Variants in SLC22A23 observed in about 807,000 individuals in gnomAD.
SLC22A23 encodes the protein solute carrier family 22 member 23.
A neutral mutation model predicts 61.0 loss-of-function variants in SLC22A23; 26 were observed. That is an observed-to-expected ratio of 0.43 (90% CI 0.31 to 0.59). The LOEUF is 0.59. Among genes scored for constraint, SLC22A23 ranks in the 20% least tolerant of loss-of-function variants. The pLI is 0.11. For missense variants in SLC22A23, 796 were observed against 934.7 expected (o/e 0.85, Z 1.94); for synonymous variants, 430 against 413.9 (o/e 1.04, Z -0.47).
intron 1 of SLC22A23, among the ~76,000 whole-genome samples, chr6:3,443,917 G>A (rs1247921022): frequency 1.3e-5 from 2 of 152,188 alleles, no homozygotes; most frequent in South Asian, 2.1e-4. Context: ...AGAAGATATA[G>A]CTTCTGAGTG....
chr6:3,420,727 G>C (rs1031157282), intron 1 of SLC22A23, among the ~76,000 whole-genome samples: 2 of 152,120 alleles, frequency 1.3e-5, no homozygotes, highest in African/African-American at 4.8e-5. Context: ...CACCAATACT[G>C]CAACCAGAAA....
intron 3 of SLC22A23, among the ~76,000 whole-genome samples, chr6:3,384,513 G>A (rs1468156584): frequency 1.3e-5 from 2 of 152,020 alleles, no homozygotes; most frequent in Non-Finnish European, 2.9e-5. Context: ...AATAAATCAC[G>A]GAACAGAGCT....
At position 3,329,963 on chromosome 6, in the gene SLC22A23, C is replaced by A. The variant is rs565798408; in HGVS notation, c.914-5961G>T. ...CAATTCCTGGAACAGGCCTGCGGAA[C>A]GAGAAATCCTTCCAGAGGCCACTGC... is the stretch of plus-strand genomic sequence containing the variant. On this transcript the variant is annotated intron_variant, in intron 3 of 9. Transcript: ENST00000406686. This position sits in a 1 kb window ranked among gnomAD's most constrained non-coding sequence, Gnocchi z 4.8. Among the ~76,000 whole-genome samples the A allele has an allele frequency of 6.6e-6, 1 of 152,232 alleles. No homozygotes were observed. The highest frequency in any genetic ancestry group is 1.5e-5 in the Non-Finnish European group (1 of 68,042).
chr6:3,444,461 G>A (rs780205427), intron 1 of SLC22A23, among the ~76,000 whole-genome samples: 1 of 152,126 alleles, frequency 6.6e-6, no homozygotes, highest in South Asian at 2.1e-4. Flanking sequence ...CCAACAACTC[G>A]TCTCTCAAAT....
intron 1 of SLC22A23, among the ~76,000 whole-genome samples, chr6:3,437,253 A>C (rs78457551): frequency 6.8e-6 from 1 of 147,356 alleles, no homozygotes; most frequent in South Asian, 2.1e-4. Context: ...ACATAAAACC[A>C]AAAAAAAACC....
intron 5 of SLC22A23, among the ~76,000 whole-genome samples, chr6:3,296,519 T>C (rs763562535): frequency 1.3e-5 from 2 of 152,124 alleles, no homozygotes; most frequent in South Asian, 2.1e-4. Context: ...TAAATATGAA[T>C]TAATATTTGC....
chr6:3,335,103 G>A (rs987238445), intron 3 of SLC22A23, among the ~76,000 whole-genome samples: 6 of 152,106 alleles, frequency 3.9e-5, no homozygotes, highest in East Asian at 1.9e-4. Context: ...AAATCCTTTC[G>A]TGTTCTAGTC....
chr6:3,446,708 G>A (rs6596970), intron 1 of SLC22A23, among the ~76,000 whole-genome samples: 13,921 of 152,256 alleles, frequency 0.091, 879 homozygotes, highest in African/African-American at 0.17. Flanking sequence ...CAGAACCTCT[G>A]GTCAGGCTGC....
chr6:3,387,374 C>T lies in SLC22A23; in HGVS notation c.913+22814G>A, dbSNP rs1192581457. 1.3e-5 allele frequency among the ~76,000 whole-genome samples: 2 copies of T among 152,230 alleles called. No individual in the cohort carries two copies. Among genetic ancestry groups the T allele is most frequent in the East Asian group, 1.9e-4 (1 of 5,202 alleles). ...AGACAGACCCACATCGAGGGGCATT[C>T]TGCAAAATACCAACCCGTTACACCA... On this transcript the variant is annotated intron_variant, in intron 3 of 9. Transcript: ENST00000406686. This position sits in a 1 kb window ranked among gnomAD's most constrained non-coding sequence, Gnocchi z 5.0.
intron 6 of SLC22A23, among the ~76,000 whole-genome samples, chr6:3,287,889 T>C (rs181204907): frequency 3.5e-4 from 53 of 152,284 alleles, no homozygotes; most frequent in Admixed American, 1.1e-3. Flanking sequence ...TTCACCATGT[T>C]GGACAGGCTG....
At position 3,298,265 on chromosome 6, in the gene SLC22A23, G is replaced by A. The variant is rs199885631; in HGVS notation, c.1083-47C>T. 4.8e-5 allele frequency: 74 copies of A among 1,557,668 alleles called. 1 individual carries two copies. The highest frequency in any genetic ancestry group is 1.7e-4 in the Middle Eastern group (1 of 5,860). On this transcript the variant is annotated intron_variant, in intron 4 of 9. Transcript: ENST00000406686. ...CAGTGAATGTCTTCCGATTCTGCACGGCACCGGGAAGTGTGGCTTAGGTGT... is the reference window on the plus strand; with the variant it reads ...CAGTGAATGTCTTCCGATTCTGCACAGCACCGGGAAGTGTGGCTTAGGTGT...
At chr6:3,449,634 C>T (rs762282422) in intron 1 of SLC22A23, among the ~76,000 whole-genome samples, 8 of 152,188 alleles carry the variant, frequency 5.3e-5, no homozygotes, top group Non-Finnish European at 7.3e-5. Flanking sequence ...ATTTTTTGCA[C>T]ATCAAACTAG....
chr6:3,425,480 T>G (rs1457922322), intron 1 of SLC22A23, among the ~76,000 whole-genome samples: 1 of 151,944 alleles, frequency 6.6e-6, no homozygotes, highest in African/African-American at 2.4e-5. Flanking sequence ...GAGACGGGGT[T>G]TCACCGTGTT....
At chr6:3,382,391 G>A (rs1004922751) in intron 3 of SLC22A23, among the ~76,000 whole-genome samples, 2 of 152,186 alleles carry the variant, frequency 1.3e-5, no homozygotes, top group African/African-American at 2.4e-5. Context: ...ATGCACTTAC[G>A]CCCTAGTCTG....
At chr6:3,295,453 G>A (rs1760999268) in intron 5 of SLC22A23, among the ~76,000 whole-genome samples, 1 of 152,136 alleles carries the variant, frequency 6.6e-6, no homozygotes, top group African/African-American at 2.4e-5. Context: ...AGGACCTGGG[G>A]TCTACCCGAA....
chr6:3,404,664 C>T (rs753112781), intron 3 of SLC22A23, among the ~76,000 whole-genome samples: 2 of 152,168 alleles, frequency 1.3e-5, no homozygotes, highest in Non-Finnish European at 2.9e-5. Context: ...ACAGCATTCT[C>T]GCCTTCCCAG....
intron 3 of SLC22A23, among the ~76,000 whole-genome samples, chr6:3,391,877 A>G (rs1767682637): frequency 6.6e-6 from 1 of 151,878 alleles, no homozygotes; most frequent in Non-Finnish European, 1.5e-5. Flanking sequence ...TCTGGAGGGG[A>G]GCATTTCAGG....
chr6:3,359,178 G>A (rs190998226), intron 3 of SLC22A23, among the ~76,000 whole-genome samples: 10 of 152,198 alleles, frequency 6.6e-5, no homozygotes, highest in Admixed American at 5.9e-4. Context: ...GATGGGCACC[G>A]AGAAGGAGAG....
chr6:3,339,619 C>T (rs1452273438), intron 3 of SLC22A23, among the ~76,000 whole-genome samples: 1 of 152,174 alleles, frequency 6.6e-6, no homozygotes, highest in Non-Finnish European at 1.5e-5. Flanking sequence ...CCGGCCAAAA[C>T]ACACCTAACC....
Sources: gnomAD v4.1 joint callset for allele counts (sites outside exome capture counted in the v4.1 genomes callset) on GRCh38, gnomAD v4.1.1 for gene constraint, Gnocchi (gnomAD v3.1) non-coding constraint, MANE v1.5 for transcripts, NCBI Gene and HGNC (gene_info 2026-07-23, HGNC 2026-07-21) for gene names.